The following EIF1B variants were observed in gnomAD, a reference collection of about 807,000 sequenced individuals.
The protein encoded by EIF1B is eukaryotic translation initiation factor 1B.
A neutral mutation model predicts 14.8 loss-of-function variants in EIF1B; 5 were observed. The observed-to-expected ratio is 0.34, with a 90% CI of 0.18 to 0.71. The LOEUF (loss-of-function observed/expected upper bound fraction) is 0.71. EIF1B is among the 30% of genes least tolerant of loss of function. The pLI, the probability that EIF1B is intolerant of heterozygous loss-of-function variation, is 0.64. For synonymous variants in EIF1B, 45 were observed against 45.8 expected (o/e 0.98, Z 0.07); for missense variants, 56 against 134.0 (o/e 0.42, Z 2.87).
intron 2 of EIF1B, 42 bp downstream of exon 2, chr3:40,311,098 A>T (rs1954320267): frequency 1.3e-6 from 2 of 1,569,774 alleles, no homozygotes; most frequent in Non-Finnish European, 8.7e-7. Flanking sequence ...ACTGATGCAC[A>T]CCTCTGAACT....
chr3:40,311,346 G>A, intron 2 of EIF1B, 124 bp from the exon 3 acceptor site: 1 of 682,636 alleles, frequency 1.5e-6, no homozygotes, highest in Non-Finnish European at 2.4e-6. Flanking sequence ...GTGGATTATA[G>A]GAGACAAAAT....
At position 40,312,203 on chromosome 3, in the gene EIF1B, G is replaced by A. The variant is rs1259070048; in HGVS notation, c.*189G>A. 16 of 550,936 alleles carry A rather than the reference G, an allele frequency of 2.9e-5. No individual in the cohort carries two copies. Among genetic ancestry groups the A allele is most frequent in the Non-Finnish European group, 4.8e-5 (15 of 312,676 alleles). The allele number at this position is 550,936 out of a possible 1,614,324, so 34.1% of individuals were successfully genotyped here. A position where few individuals can be genotyped will look rare whatever the true frequency, so the allele number is the denominator to read the frequency against. On this transcript the variant is annotated 3_prime_UTR_variant, in exon 4 of 4. Coordinates refer to ENST00000232905, the MANE Select transcript of EIF1B (RefSeq NM_005875.3). ...ACTAGTAACACATAAGAAAATTGCAGTAAGATGGTAACAAAACCTCATATT... is the reference window on the plus strand; with the variant it reads ...ACTAGTAACACATAAGAAAATTGCAATAAGATGGTAACAAAACCTCATATT...
rs1336247263 is a variant in EIF1B, at chr3:40,310,902, C to T, written c.41C>T (p.Ala14Val). Residue 14 changes from alanine to valine, a missense_variant, in exon 2 of 4, where the codon GCT becomes GTT. Around this residue, in one of 3 missense-constraint regions of EIF1B, gnomAD observed 20 missense variants for 29.2 expected, o/e 0.69. Coordinates refer to ENST00000232905, the MANE Select transcript of EIF1B (RefSeq NM_005875.3). Reference sequence around the variant, plus strand: ...TTTTATCCATTCGCAGACCCCTTTGCTGATGCAACTAAGGGTGACGACTTA... The same window carrying T: ...TTTTATCCATTCGCAGACCCCTTTGTTGATGCAACTAAGGGTGACGACTTA... The part of the protein sequence containing the change: ...IQNLQSFDPF[A>V]DATKGDDLLP... 1 of 1,579,954 alleles carries T rather than the reference C, an allele frequency of 6.3e-7. No individual in the cohort carries two copies. The highest frequency in any genetic ancestry group is 8.6e-7 in the Non-Finnish European group (1 of 1,164,940).
chr3:40,311,611 T>A (rs1451246835), intron 3 of EIF1B, 40 bp downstream of exon 3: 1 of 1,477,604 alleles, frequency 6.8e-7, no homozygotes, highest in South Asian at 1.2e-5. Flanking sequence ...TTGAGATTGC[T>A]TTTAAAATTG....
intron 1 of EIF1B, 177 bp from the exon 2 acceptor site, chr3:40,310,716 C>T: frequency 1.8e-6 from 1 of 557,034 alleles, no homozygotes. Context: ...GTGAGAGTAT[C>T]TTGGGGGTTT....
rs1158331246 is a variant in EIF1B at position 40,309,759 on chromosome 3, C to T, written c.-183C>T. On this transcript the variant is annotated 5_prime_UTR_variant, in exon 1 of 4. Coordinates refer to ENST00000232905, the MANE Select transcript of EIF1B (RefSeq NM_005875.3). ...CGCGCCCTCGCCTCTTCCTCCGCCT[C>T]CTCCTTCGCCTCTTCCTGCCTCCTC... 3.1e-6 allele frequency: 2 copies of T among 647,922 alleles called. No individual in the cohort carries two copies. Among genetic ancestry groups the T allele is most frequent in the East Asian group, 2.7e-5 (1 of 36,528 alleles). 40.1% of individuals were successfully genotyped at this position (647,922 alleles called of 1,614,324 possible).
chr3:40,309,803 A>G lies in EIF1B; in HGVS notation c.-139A>G. ...CCTCCTCCCGGCTTCCGCCGCCGCC[A>G]CTCCAGCCTAATCCCAACCCCAGGG... is the stretch of plus-strand genomic sequence containing the variant. On this transcript the variant is annotated 5_prime_UTR_variant, in exon 1 of 4. Transcript: ENST00000232905. The G allele has an allele frequency of 4.1e-6, 4 of 984,612 alleles. No homozygotes were observed. Among genetic ancestry groups the G allele is most frequent in the Non-Finnish European group, 6.1e-6 (4 of 657,244 alleles). 61.0% of individuals were successfully genotyped at this position (984,612 alleles called of 1,614,324 possible).
chr3:40,310,028 T>C, intron 1 of EIF1B, 56 bp downstream of exon 1: 1 of 1,608,526 alleles, frequency 6.2e-7, no homozygotes, highest in African/African-American at 1.3e-5. Flanking sequence ...CTCGGCCTTT[T>C]GCCCGCCTGG....
intron 3 of EIF1B, 95 bp downstream of exon 3, chr3:40,311,666 T>A (rs906052444): frequency 9.7e-7 from 1 of 1,029,102 alleles, no homozygotes; most frequent in African/African-American, 1.6e-5. Flanking sequence ...TAAAAAATCA[T>A]ACGAATGAAG....
At chr3:40,311,642 T>C in intron 3 of EIF1B, 71 bp downstream of exon 3, 1 of 1,218,152 alleles carries the variant, frequency 8.2e-7, no homozygotes. Context: ...CAACATGATT[T>C]GTTTTCTACT....
At chr3:40,310,672 C>A in intron 1 of EIF1B, 1 of 400,162 alleles carries the variant, frequency 2.5e-6, no homozygotes, top group Non-Finnish European at 4.4e-6. Flanking sequence ...CGTTTTTCTA[C>A]AATGGACATA....
rs1954303913 is a variant in EIF1B, at chr3:40,309,971, C to T, written c.30C>T (p.Phe10=). ...CCACTATCCAGAACCTCCAATCTTT[C>T]GGTAAGATCCCGTCGCCGCCGCCTC... MSTIQNLQS[F]DPFADATKGD... Residue 10 remains phenylalanine (F), a splice_region_variant and synonymous_variant, in exon 1 of 4, where the codon TTC becomes TTT. Coordinates refer to ENST00000232905, the MANE Select transcript of EIF1B (RefSeq NM_005875.3). 3 of 1,613,816 alleles carry T rather than the reference C, an allele frequency of 1.9e-6. No homozygotes were observed. The highest frequency in any genetic ancestry group is 2.5e-6 in the Non-Finnish European group (3 of 1,179,978).
chr3:40,311,192 A>G, intron 2 of EIF1B, 136 bp downstream of exon 2: 1 of 836,656 alleles, frequency 1.2e-6, no homozygotes, highest in Non-Finnish European at 1.8e-6. Context: ...ATTAACATGT[A>G]AATATTTAGT....
chr3:40,311,629 A>G, intron 3 of EIF1B, 58 bp downstream of exon 3: 1 of 1,353,656 alleles, frequency 7.4e-7, no homozygotes, highest in Non-Finnish European at 1.1e-6. Flanking sequence ...TTGTATTTAA[A>G]GGCAACATGA....
intron 3 of EIF1B, 52 bp from the exon 4 acceptor site, chr3:40,311,918 G>T: frequency 2.3e-6 from 3 of 1,323,858 alleles, no homozygotes; most frequent in South Asian, 2.4e-5. Context: ...TTTTCTTAAT[G>T]AATTTTTATA....
rs990357988 is a variant in EIF1B at position 40,311,504 on chromosome 3, C to T, written c.230C>T (p.Pro77Leu). 6 of 1,613,726 alleles carry T rather than the reference C, an allele frequency of 3.7e-6. No homozygotes were observed. The highest frequency in any genetic ancestry group is 5.1e-6 in the Non-Finnish European group (6 of 1,179,820). ...TGTAATGGTACTGTGATTGAACATC[C>T]TGAATACGGAGAGGTTATTCAGCTT... ...FACNGTVIEH[P>L]EYGEVIQLQG... The change falls in exon 3 of 4, where the codon CCT (proline) becomes CTT (leucine). Residue 77 changes from proline (P) to leucine (L), a missense_variant. Coordinates refer to ENST00000232905, the MANE Select transcript of EIF1B (RefSeq NM_005875.3).
At chr3:40,310,683 G>T in intron 1 of EIF1B, 1 of 460,478 alleles carries the variant, frequency 2.2e-6, no homozygotes. Flanking sequence ...AATGGACATA[G>T]CTGTTCAAAT....
In EIF1B at chr3:40,311,571, G is replaced by A. The variant is rs147698288; in HGVS notation, c.297G>A (p.Glu99=). 1.2e-5 allele frequency: 20 copies of A among 1,611,384 alleles called. No homozygotes were observed. In the African/African-American group the frequency reaches 2.0e-4, roughly 16 times the overall value. ...AAAACATCTGCCAGTTTCTCTTGGAGGTGAGTGATTGGGTGCTTTATGTGT... is the reference window on the plus strand; with the variant it reads ...AAAACATCTGCCAGTTTCTCTTGGAAGTGAGTGATTGGGTGCTTTATGTGT... The part of the protein sequence containing the change: ...QRKNICQFLL[E]VGIVKEEQLK... Residue 99 remains glutamate, a splice_region_variant and synonymous_variant, in exon 3 of 4, where the codon GAG becomes GAA. Coordinates refer to ENST00000232905, the MANE Select transcript of EIF1B (RefSeq NM_005875.3).
intron 1 of EIF1B, chr3:40,310,540 G>A (rs1007198936): frequency 5.0e-6 from 1 of 200,624 alleles, no homozygotes; most frequent in Non-Finnish European, 9.9e-6. Context: ...GAATGTTTAT[G>A]TTTTCATCAG....
Sources: gnomAD v4.1 joint callset for allele counts on GRCh38, gnomAD v4.1.1 for gene constraint, gnomAD v4.1.1 regional missense constraint, MANE v1.5 for transcripts, NCBI Gene and HGNC (gene_info 2026-07-23, HGNC 2026-07-21) for gene names.